KIAA1549L: variants seen among roughly 807,000 people sequenced by gnomAD.
KIAA1549L encodes the protein KIAA1549 like, also known as UPF0606 protein KIAA1549L.
KIAA1549L carries 88 observed loss-of-function variants against 160.7 expected under a neutral mutation model. That is an observed-to-expected ratio of 0.55 (90% confidence interval 0.46 to 0.65). The LOEUF (loss-of-function observed/expected upper bound fraction) is 0.65. KIAA1549L is among the 30% of genes least tolerant of loss of function. KIAA1549L has a pLI of 0.00. For synonymous variants in KIAA1549L, 950 were observed against 976.7 expected (o/e 0.97, Z 0.51); for missense variants, 2,258 against 2,437.5 (o/e 0.93, Z 1.55).
At chr11:33,452,846 G>T (rs1307817897) in intron 1 of KIAA1549L, among the ~76,000 whole-genome samples, 4 of 152,132 alleles carry the variant, frequency 2.6e-5, no homozygotes, top group Non-Finnish European at 4.4e-5. Context: ...AGGCTGCTTT[G>T]CAAGGACCTG....
chr11:33,560,847 G>A (rs1418136905), intron 7 of KIAA1549L, among the ~76,000 whole-genome samples: 1 of 152,136 alleles, frequency 6.6e-6, no homozygotes, highest in African/African-American at 2.4e-5. Context: ...TTTTTCAAAT[G>A]TTTGTTTAAT....
intron 1 of KIAA1549L, among the ~76,000 whole-genome samples, chr11:33,397,787 A>G (rs1240442236): frequency 6.6e-6 from 1 of 152,110 alleles, no homozygotes; most frequent in Admixed American, 6.5e-5. Flanking sequence ...TATTTAAAAA[A>G]TTTATTACAA....
chr11:33,596,687 C>T (rs1158296633), intron 12 of KIAA1549L, among the ~76,000 whole-genome samples: 6 of 152,120 alleles, frequency 3.9e-5, no homozygotes, highest in Admixed American at 3.3e-4. Flanking sequence ...TGCAGTGAGC[C>T]GAGATTGCAC....
intron 1 of KIAA1549L, among the ~76,000 whole-genome samples, chr11:33,409,382 T>G (rs1850741049): frequency 6.6e-6 from 1 of 152,240 alleles, no homozygotes; most frequent in Admixed American, 6.5e-5. Flanking sequence ...TTTGCTATCC[T>G]GAATATTTCT....
chr11:33,546,749 G>C (rs1477537455), intron 3 of KIAA1549L, among the ~76,000 whole-genome samples: 2 of 152,076 alleles, frequency 1.3e-5, no homozygotes, highest in African/African-American at 4.8e-5. Flanking sequence ...GATCTATTCC[G>C]AGACCCCCAG....
At chr11:33,444,760 C>T (rs376046097) in intron 1 of KIAA1549L, among the ~76,000 whole-genome samples, 2 of 152,348 alleles carry the variant, frequency 1.3e-5, no homozygotes, top group East Asian at 3.9e-4. Flanking sequence ...TTCTCAACAA[C>T]TAGGGCTGCT....
chr11:33,610,043 G>A (rs1385609043), intron 15 of KIAA1549L, 77 bp downstream of exon 15: 39 of 1,091,468 alleles, frequency 3.6e-5, no homozygotes, highest in Non-Finnish European at 4.7e-5. Context: ...AGTATATCCT[G>A]GTTCCTTATC....
At chr11:33,378,066 C>T (rs2134026594) in intron 1 of KIAA1549L, among the ~76,000 whole-genome samples, 1 of 152,220 alleles carries the variant, frequency 6.6e-6, no homozygotes, top group East Asian at 1.9e-4. Context: ...TTTTAGCCCC[C>T]GATTTTTATG....
chr11:33,667,774 G>A, intron 20 of KIAA1549L, 99 bp from the exon 21 acceptor site: 1 of 998,284 alleles, frequency 1.0e-6, no homozygotes. Flanking sequence ...TCTCTTCCAT[G>A]TCCTCAGCCC....
chr11:33,525,366 T>C (rs1401957755), intron 1 of KIAA1549L, among the ~76,000 whole-genome samples: 4 of 152,056 alleles, frequency 2.6e-5, no homozygotes, highest in African/African-American at 7.2e-5. Flanking sequence ...TTTAAGGAGC[T>C]GAGAGAAGTA....
At chr11:33,424,075 T>C (rs1361585159) in intron 1 of KIAA1549L, among the ~76,000 whole-genome samples, 1 of 150,784 alleles carries the variant, frequency 6.6e-6, no homozygotes, top group Non-Finnish European at 1.5e-5. Flanking sequence ...GGATGAAACA[T>C]GGCTTCACCA....
intron 9 of KIAA1549L, among the ~76,000 whole-genome samples, chr11:33,574,332 C>T (rs985325977): frequency 6.6e-6 from 1 of 152,056 alleles, no homozygotes; most frequent in Admixed American, 6.5e-5. Context: ...CTGGCAATTA[C>T]AGACATTTGA....
At chr11:33,531,901 T>C (rs1451877887) in intron 1 of KIAA1549L, among the ~76,000 whole-genome samples, 2 of 152,148 alleles carry the variant, frequency 1.3e-5, no homozygotes, top group African/African-American at 4.8e-5. Flanking sequence ...TGCTCAGTAA[T>C]GTTTGCCAAA....
At chr11:33,650,288 G>A (rs972160390) in intron 17 of KIAA1549L, among the ~76,000 whole-genome samples, 3 of 152,184 alleles carry the variant, frequency 2.0e-5, no homozygotes, top group Admixed American at 6.5e-5. Flanking sequence ...TCCTTATAAT[G>A]AGTAAAATCC....
intron 10 of KIAA1549L, among the ~76,000 whole-genome samples, chr11:33,581,338 A>C (rs1855636464): frequency 6.6e-6 from 1 of 152,124 alleles, no homozygotes; most frequent in South Asian, 2.1e-4. Flanking sequence ...GCTGTACGTG[A>C]GAATAATTTA....
At chr11:33,440,491 G>A (rs927692652) in intron 1 of KIAA1549L, among the ~76,000 whole-genome samples, 2 of 152,120 alleles carry the variant, frequency 1.3e-5, no homozygotes, top group East Asian at 1.9e-4. Context: ...TAACCTAGAA[G>A]CTTAAACATG....
intron 1 of KIAA1549L, among the ~76,000 whole-genome samples, chr11:33,528,059 G>A (rs1361895935): frequency 6.6e-6 from 1 of 152,136 alleles, no homozygotes; most frequent in Non-Finnish European, 1.5e-5. Context: ...CTTAAGATGT[G>A]ACTTTGCTCC....
In KIAA1549L at chr11:33,668,104, G is replaced by GTGGCAAAGC. The variant is rs778252387; in HGVS notation, c.6395_6396insAAAGCTGGC (p.Leu2134_Lys2136dup). The GTGGCAAAGC allele has an allele frequency of 1.2e-6, 2 of 1,614,008 alleles. No homozygotes were observed. Among genetic ancestry groups the GTGGCAAAGC allele is most frequent in the Non-Finnish European group, 1.7e-6 (2 of 1,179,894 alleles). Reference sequence around the variant, plus strand: ...CCTTGTGAAGGCCATCCGGGAGGAGGTGGCCAAGCTGGCCAAAAAACAGAC... The same window carrying GTGGCAAAGC: ...CCTTGTGAAGGCCATCCGGGAGGAGGTGGCAAAGCTGGCCAAGCTGGCCAAAAAACAGAC... On this transcript the variant is annotated inframe_insertion, in exon 21 of 21. Coordinates refer to ENST00000658780, the MANE Select transcript of KIAA1549L (RefSeq NM_012194.3).
chr11:33,466,276 A>G (rs572686913), intron 1 of KIAA1549L, among the ~76,000 whole-genome samples: 100 of 152,232 alleles, frequency 6.6e-4, no homozygotes, highest in Non-Finnish European at 1.2e-3. Flanking sequence ...AGTTTACAAG[A>G]TAAAAACAAC....
Sources: gnomAD v4.1 joint callset for allele counts (sites outside exome capture counted in the v4.1 genomes callset) on GRCh38, gnomAD v4.1.1 for gene constraint, MANE v1.5 for transcripts, NCBI Gene and HGNC (gene_info 2026-07-23, HGNC 2026-07-21) for gene names.